RAP1A: variants seen among roughly 807,000 people sequenced by gnomAD.
RAP1A encodes the protein RAP1A, member of RAS oncogene family.
A neutral mutation model predicts 26.4 loss-of-function variants in RAP1A; 6 were observed. The ratio of observed to expected loss-of-function variants is 0.23; its 90% CI spans 0.12 to 0.45. The LOEUF is 0.45. Among genes scored for constraint, RAP1A ranks in the 20% least tolerant of loss-of-function variants. RAP1A has a pLI of 0.99. For missense variants in RAP1A, 121 were observed against 217.2 expected (o/e 0.56, Z 2.78); for synonymous variants, 73 against 79.4 (o/e 0.92, Z 0.43).
intron 1 of RAP1A, among the ~76,000 whole-genome samples, chr1:111,671,519 G>A (rs938118396): frequency 6.6e-6 from 1 of 151,868 alleles, no homozygotes; most frequent in African/African-American, 2.4e-5. Context: ...TTGTTACCCA[G>A]GTTGTCGTGC....
intron 1 of RAP1A, among the ~76,000 whole-genome samples, chr1:111,571,492 T>A (rs758168412): frequency 1.3e-5 from 2 of 152,206 alleles, no homozygotes; most frequent in Non-Finnish European, 2.9e-5. Flanking sequence ...TAAATCCAGA[T>A]GTGGTTAAAG....
At chr1:111,597,354 T>A (rs1658581192) in intron 1 of RAP1A, among the ~76,000 whole-genome samples, 1 of 152,192 alleles carries the variant, frequency 6.6e-6, no homozygotes, top group Non-Finnish European at 1.5e-5. Context: ...AAAGGGAGAA[T>A]TGGGGCTGAA....
At chr1:111,551,024 C>T (rs1483641885) in intron 1 of RAP1A, among the ~76,000 whole-genome samples, 1 of 152,166 alleles carries the variant, frequency 6.6e-6, no homozygotes, top group African/African-American at 2.4e-5. Flanking sequence ...AAGTCTGACA[C>T]ATTTGTCTGG....
At chr1:111,664,889 G>A (rs1483753657) in intron 1 of RAP1A, among the ~76,000 whole-genome samples, 2 of 152,148 alleles carry the variant, frequency 1.3e-5, no homozygotes, top group Non-Finnish European at 2.9e-5. Flanking sequence ...CTCAGTAAAT[G>A]TTTGCCATTA....
intron 1 of RAP1A, among the ~76,000 whole-genome samples, chr1:111,641,886 G>A (rs1289291263): frequency 1.3e-5 from 2 of 152,124 alleles, no homozygotes; most frequent in Admixed American, 6.6e-5. Flanking sequence ...TTTAATCCTG[G>A]CTCCATAATT....
intron 1 of RAP1A, among the ~76,000 whole-genome samples, chr1:111,613,094 C>A (rs1658952209): frequency 6.6e-6 from 1 of 151,616 alleles, no homozygotes; most frequent in South Asian, 2.1e-4. Context: ...TACTGCATAA[C>A]AATACCTCTA....
At chr1:111,693,313 G>C (rs2101251540) in intron 2 of RAP1A, among the ~76,000 whole-genome samples, 1 of 152,260 alleles carries the variant, frequency 6.6e-6, no homozygotes, top group African/African-American at 2.4e-5. Context: ...GCTTGATTAT[G>C]AGAGGGGACA....
At chr1:111,576,802 G>A (rs74109810) in intron 1 of RAP1A, among the ~76,000 whole-genome samples, 7,358 of 152,290 alleles carry the variant, frequency 0.048, 626 homozygotes, top group African/African-American at 0.17. Context: ...CTACTAGGAG[G>A]TAGGCCTCCA....
intron 1 of RAP1A, among the ~76,000 whole-genome samples, chr1:111,601,752 C>A (rs180973933): frequency 4.0e-4 from 61 of 152,186 alleles, no homozygotes; most frequent in African/African-American, 1.4e-3. Context: ...CCTTTTTGTG[C>A]CTTTCATTTG....
chr1:111,676,095 G>A (rs1298053513), intron 1 of RAP1A, among the ~76,000 whole-genome samples: 1 of 152,162 alleles, frequency 6.6e-6, no homozygotes, highest in South Asian at 2.1e-4. Context: ...GGTGGCTCAC[G>A]CCTGTAATCT....
intron 1 of RAP1A, among the ~76,000 whole-genome samples, chr1:111,543,494 T>A (rs1473248981): frequency 6.6e-6 from 1 of 152,178 alleles, no homozygotes; most frequent in Non-Finnish European, 1.5e-5. Context: ...AAACTCCCAA[T>A]GGAGAGTATT....
At chr1:111,641,287 C>G (rs1659883243) in intron 1 of RAP1A, among the ~76,000 whole-genome samples, 1 of 152,150 alleles carries the variant, frequency 6.6e-6, no homozygotes, top group African/African-American at 2.4e-5. Flanking sequence ...TCAAGTTTCT[C>G]TCATCTTTCT....
upstream of RAP1A, among the ~76,000 whole-genome samples, chr1:111,615,923 G>A (rs1019144413): frequency 2.0e-5 from 3 of 152,018 alleles, no homozygotes; most frequent in Non-Finnish European, 2.9e-5. Flanking sequence ...TTTGGACTAT[G>A]CAGATAAAGA....
chr1:111,596,261 G>T (rs1307422750), intron 1 of RAP1A, among the ~76,000 whole-genome samples: 1 of 152,126 alleles, frequency 6.6e-6, no homozygotes, highest in African/African-American at 2.4e-5. Context: ...GGTCCAGCCA[G>T]GTCAACAATG....
chr1:111,593,547 A>G (rs547722565), intron 1 of RAP1A, among the ~76,000 whole-genome samples: 1 of 151,756 alleles, frequency 6.6e-6, no homozygotes, highest in African/African-American at 2.4e-5. Flanking sequence ...CAGCACCCTA[A>G]GAGGATGAGG....
chr1:111,552,693 A>T (rs918760601), intron 1 of RAP1A, among the ~76,000 whole-genome samples: 1 of 152,156 alleles, frequency 6.6e-6, no homozygotes, highest in African/African-American at 2.4e-5. Flanking sequence ...ATTTAAAACC[A>T]TCAGTTCTGG....
chr1:111,566,866 GTTT>G (rs56397519), intron 1 of RAP1A, among the ~76,000 whole-genome samples: 4 of 137,230 alleles, frequency 2.9e-5, no homozygotes, highest in Non-Finnish European at 3.2e-5. Context: ...TGGTGGTTGG[GTTT>G]TTTTTTTTTT....
At chr1:111,623,027 A>T (rs905548375) in intron 1 of RAP1A, among the ~76,000 whole-genome samples, 2 of 151,832 alleles carry the variant, frequency 1.3e-5, no homozygotes, top group African/African-American at 2.4e-5. Context: ...TAAAAATTAA[A>T]TTTTTTTTGA....
intron 1 of RAP1A, among the ~76,000 whole-genome samples, chr1:111,578,755 T>C (rs1320208242): frequency 6.6e-6 from 1 of 152,200 alleles, no homozygotes; most frequent in African/African-American, 2.4e-5. Flanking sequence ...TACCTGGATA[T>C]AGCATCAGAT....
Sources: gnomAD v4.1 joint callset for allele counts (sites outside exome capture counted in the v4.1 genomes callset) on GRCh38, gnomAD v4.1.1 for gene constraint, MANE v1.5 for transcripts, NCBI Gene and HGNC (gene_info 2026-07-23, HGNC 2026-07-21) for gene names.